OR7E24: variants seen among roughly 807,000 people sequenced by gnomAD.
OR7E24 encodes olfactory receptor family 7 subfamily E member 24, also known as olfactory receptor 7E24.
For synonymous variants in OR7E24, 130 were observed against 157.5 expected, an observed-to-expected ratio of 0.83 and a Z score of 1.31; for missense variants, 385 against 410.3, an observed-to-expected ratio of 0.94 and a Z score of 0.53.
rs2066151355 is a variant in OR7E24 at position 9,251,997 on chromosome 19, C to T, written c.954C>T (p.Ala318=). The change falls in exon 1 of 1, where the codon GCC becomes GCT. Residue 318 remains alanine (A), a synonymous_variant. Transcript: ENST00000456448. The part of the protein sequence containing the change: ...YSLRNKDIQS[A]LCRLHGRIIK... ...TGAGGAACAAGGACATTCAAAGTGC[C>T]CTGTGCAGGCTGCATGGCAGAATCA... 3.1e-6 allele frequency: 5 copies of T among 1,614,020 alleles called. No individual in the cohort carries two copies. The highest frequency in any genetic ancestry group is 3.4e-6 in the Non-Finnish European group (4 of 1,180,020).
chr19:9,239,965 CA>C, the OR7E24 span, among the ~76,000 whole-genome samples: 1 of 152,098 alleles, frequency 6.6e-6, no homozygotes, highest in Admixed American at 6.5e-5. Flanking sequence ...CTTGGCCTCC[CA>C]AAGTGCTGGG....
chr19:9,242,024 AC>A, the OR7E24 span, among the ~76,000 whole-genome samples: 3 of 152,154 alleles, frequency 2.0e-5, no homozygotes, highest in Non-Finnish European at 4.4e-5. Flanking sequence ...GTTGTTTGAA[AC>A]ACTTATCATA....
At chr19:9,242,172 G>T in the OR7E24 span, among the ~76,000 whole-genome samples, 1 of 152,272 alleles carries the variant, frequency 6.6e-6, no homozygotes, top group African/African-American at 2.4e-5. Flanking sequence ...AAGGCAACGT[G>T]TTTCCCTTTT....
At chr19:9,236,083 C>A in the OR7E24 span, 11 of 1,425,566 alleles carry the variant, frequency 7.7e-6, no homozygotes, top group Middle Eastern at 1.8e-4. Flanking sequence ...TTGTCTCTTA[C>A]GGTACACAAC....
chr19:9,228,044 C>T, the OR7E24 span, among the ~76,000 whole-genome samples: 28 of 152,170 alleles, frequency 1.8e-4, no homozygotes, highest in Non-Finnish European at 3.1e-4. Context: ...TGAGCCACAG[C>T]GCCCGGCCAG....
At chr19:9,237,884 G>A in the OR7E24 span, among the ~76,000 whole-genome samples, 1 of 152,188 alleles carries the variant, frequency 6.6e-6, no homozygotes, top group Non-Finnish European at 1.5e-5. Flanking sequence ...TTTTGAGCAA[G>A]TGACAAACTG....
chr19:9,247,098 TAGAC>T (rs754060152), upstream of OR7E24, among the ~76,000 whole-genome samples: 6 of 152,166 alleles, frequency 3.9e-5, no homozygotes, highest in South Asian at 4.1e-4. Context: ...AAATAAAAAG[TAGAC>T]AGATCTTAAT....
chr19:9,252,003 C>A lies in OR7E24; in HGVS notation c.948C>A (p.Cys316Ter). Residue 316 changes from cysteine to a stop codon, truncating the protein, a stop_gained, in exon 2 of 2, where the codon TGC becomes TGA. Transcript: ENST00000641946. LOFTEE classifies it low-confidence loss of function (END_TRUNC). ...ACAAGGACATTCAAAGTGCCCTGTG[C>A]AGGCTGCATGGCAGAATCATCAAAT... The A allele has an allele frequency of 6.2e-7, 1 of 1,614,180 alleles. No homozygotes were observed. The highest frequency in any genetic ancestry group is 8.5e-7 in the Non-Finnish European group (1 of 1,180,020).
At chr19:9,243,703 G>C (rs1177093478), upstream of OR7E24, among the ~76,000 whole-genome samples, 1 of 152,114 alleles carries the variant, frequency 6.6e-6, no homozygotes, top group Non-Finnish European at 1.5e-5. Flanking sequence ...ACCCTCAAAT[G>C]GCTCAAGCTG....
chr19:9,212,550 C>T, the OR7E24 span: 3 of 152,266 alleles, frequency 2.0e-5, no homozygotes, highest in East Asian at 1.9e-4. Flanking sequence ...TGCCTAACAT[C>T]ACCTGTAGTG....
upstream of OR7E24, among the ~76,000 whole-genome samples, chr19:9,248,230 G>C (rs906094722): frequency 3.9e-5 from 6 of 152,134 alleles, no homozygotes; most frequent in Non-Finnish European, 8.8e-5. Flanking sequence ...ATGACATCAT[G>C]AATTCTTACT....
the OR7E24 span, chr19:9,209,861 G>A: frequency 6.6e-6 from 1 of 151,920 alleles, no homozygotes; most frequent in East Asian, 1.9e-4. Flanking sequence ...CATCATATTG[G>A]TCAGGCTAAT....
chr19:9,231,858 G>A, the OR7E24 span, among the ~76,000 whole-genome samples: 1 of 152,048 alleles, frequency 6.6e-6, no homozygotes, highest in South Asian at 2.1e-4. Flanking sequence ...TCAATTTAGT[G>A]TCTATATTCA....
At chr19:9,227,764 T>C in the OR7E24 span, among the ~76,000 whole-genome samples, 2 of 143,894 alleles carry the variant, frequency 1.4e-5, no homozygotes, top group African/African-American at 5.2e-5. Flanking sequence ...TTTTTTTTTT[T>C]TTTTTTTGAG....
chr19:9,221,402 A>G, the OR7E24 span, among the ~76,000 whole-genome samples: 11 of 110,066 alleles, frequency 1.0e-4, no homozygotes, highest in Non-Finnish European at 1.5e-4. Flanking sequence ...CCAGGCTGGA[A>G]TGCAGTGGCG....
At chr19:9,229,223 G>C in the OR7E24 span, among the ~76,000 whole-genome samples, 1 of 152,092 alleles carries the variant, frequency 6.6e-6, no homozygotes, top group Non-Finnish European at 1.5e-5. Context: ...CTGAGTTTTG[G>C]TTCCTTATAG....
the OR7E24 span, chr19:9,219,374 CA>C: frequency 6.6e-6 from 1 of 152,280 alleles, no homozygotes; most frequent in African/African-American, 2.4e-5. Flanking sequence ...AGGTGGGAGA[CA>C]CTGGTTTCTG....
chr19:9,241,697 G>C, the OR7E24 span, among the ~76,000 whole-genome samples: 1 of 152,206 alleles, frequency 6.6e-6, no homozygotes, highest in Non-Finnish European at 1.5e-5. Flanking sequence ...CTGGGAGGTA[G>C]AGGTTGCAGT....
chr19:9,240,780 A>G, the OR7E24 span, among the ~76,000 whole-genome samples: 713 of 152,160 alleles, frequency 4.7e-3, 6 homozygotes, highest in African/African-American at 0.016. Context: ...TAAGAGTTTT[A>G]TGATTTTAGC....
Sources: gnomAD v4.1 joint callset for allele counts (sites outside exome capture counted in the v4.1 genomes callset) on GRCh38, gnomAD v4.1.1 for gene constraint, MANE v1.5 for transcripts, NCBI Gene and HGNC (gene_info 2026-07-23, HGNC 2026-07-21) for gene names.